The following NMBR variants were observed in gnomAD, a reference collection of about 807,000 sequenced individuals.
The protein encoded by NMBR is neuromedin B receptor.
In NMBR, 16 loss-of-function variants were observed where a neutral mutation model predicts 20.5. That is an observed-to-expected ratio of 0.78 (90% CI 0.53 to 1.19). NMBR has a LOEUF of 1.19. Ranked by LOEUF, NMBR falls within the 50% of genes most tolerant of loss-of-function variation. The pLI is 0.00. For synonymous variants in NMBR, 212 were observed against 196.6 expected, an observed-to-expected ratio of 1.08 and a Z score of -0.65; for missense variants, 582 against 499.1, an observed-to-expected ratio of 1.17 and a Z score of -1.58.
At chr6:142,106,393 TA>T (rs928357552) in intron 1 of NMBR, among the ~76,000 whole-genome samples, 14 of 152,192 alleles carry the variant, frequency 9.2e-5, no homozygotes, top group Admixed American at 8.5e-4. Flanking sequence ...GGCTCTAATC[TA>T]AAAACATAAA....
At chr6:142,126,612 G>T (rs750003243) in intron 1 of NMBR, among the ~76,000 whole-genome samples, 4 of 151,802 alleles carry the variant, frequency 2.6e-5, no homozygotes, top group African/African-American at 7.3e-5. Flanking sequence ...GGTGTGAAGT[G>T]ATATCTTATT....
intron 1 of NMBR, among the ~76,000 whole-genome samples, chr6:142,139,581 T>A (rs569694083): frequency 6.6e-6 from 1 of 152,310 alleles, no homozygotes; most frequent in African/African-American, 2.4e-5. Context: ...TCTTGATCTC[T>A]TCAACTGACA....
At chr6:142,090,038 C>T (rs890616459) in intron 1 of NMBR, among the ~76,000 whole-genome samples, 2 of 152,038 alleles carry the variant, frequency 1.3e-5, no homozygotes, top group Admixed American at 1.3e-4. Context: ...TATATGTATG[C>T]TTATGATTGA....
chr6:142,102,376 C>T (rs1365932302), intron 1 of NMBR, among the ~76,000 whole-genome samples: 3 of 132,340 alleles, frequency 2.3e-5, no homozygotes. Context: ...GGTGACAGAG[C>T]AACACTCTGT....
chr6:142,143,998 T>C (rs1778393568), intron 1 of NMBR, among the ~76,000 whole-genome samples: 1 of 152,200 alleles, frequency 6.6e-6, no homozygotes, highest in African/African-American at 2.4e-5. Flanking sequence ...TATTCGTATA[T>C]AGTTAGCTTA....
At chr6:142,109,927 G>T (rs997385853) in intron 1 of NMBR, among the ~76,000 whole-genome samples, 1 of 152,104 alleles carries the variant, frequency 6.6e-6, no homozygotes, top group South Asian at 2.1e-4. Flanking sequence ...GACACCACGA[G>T]TCTCCTTGAT....
intron 1 of NMBR, among the ~76,000 whole-genome samples, chr6:142,119,681 AT>A (rs1411590464): frequency 6.6e-6 from 1 of 151,996 alleles, no homozygotes; most frequent in Non-Finnish European, 1.5e-5. Context: ...ATGAGGTGTT[AT>A]TATTTTACTG....
At position 142,076,049 on chromosome 6, in the gene NMBR, T is replaced by A; in HGVS notation, c.772A>T (p.Met258Leu). The A allele has an allele frequency of 6.4e-7, 1 of 1,561,634 alleles. No homozygotes were observed. Residue 258 changes from methionine (M) to leucine (L), a missense_variant and splice_region_variant, in exon 4 of 4, where the codon ATG becomes TTG. Met to Leu is a conservative substitution (Grantham distance 15). Coordinates refer to ENST00000258042, the MANE Select transcript of NMBR (RefSeq NM_002511.4). ...TTAGCCAGGCGTTTCCGTGTTTCCATCTGCAAATATAAGAAATTGATCCCA... is the reference window on the plus strand; with the variant it reads ...TTAGCCAGGCGTTTCCGTGTTTCCAACTGCAAATATAAGAAATTGATCCCA... Reference protein sequence around the residue: ...GEYNEHTKKQMETRKRLAKIV... With the variant: ...GEYNEHTKKQLETRKRLAKIV...
chr6:142,138,024 C>T (rs772114632), intron 1 of NMBR, among the ~76,000 whole-genome samples: 1 of 150,556 alleles, frequency 6.6e-6, no homozygotes, highest in Non-Finnish European at 1.5e-5. Context: ...GCAACTATAA[C>T]TTCTATATTT....
chr6:142,097,676 A>G (rs1020855490), intron 1 of NMBR, among the ~76,000 whole-genome samples: 3 of 152,118 alleles, frequency 2.0e-5, no homozygotes, highest in Non-Finnish European at 4.4e-5. Flanking sequence ...GCACTTGGAA[A>G]TTACCAACCA....
chr6:142,089,860 G>A (rs2114568268), intron 1 of NMBR, among the ~76,000 whole-genome samples: 1 of 152,188 alleles, frequency 6.6e-6, no homozygotes, highest in African/African-American at 2.4e-5. Context: ...CATGTGTTCA[G>A]GTGCACATTT....
chr6:142,133,673 A>T (rs1341713050), intron 1 of NMBR, among the ~76,000 whole-genome samples: 1 of 152,162 alleles, frequency 6.6e-6, no homozygotes, highest in Non-Finnish European at 1.5e-5. Context: ...TTCATATTTT[A>T]AGAGTGAGAA....
intron 1 of NMBR, among the ~76,000 whole-genome samples, chr6:142,124,164 C>T (rs1205055755): frequency 6.6e-6 from 1 of 151,738 alleles, no homozygotes; most frequent in Non-Finnish European, 1.5e-5. Context: ...AAAACAAACC[C>T]ACAGATCAAG....
chr6:142,097,668 A>G (rs1777483272), intron 1 of NMBR, among the ~76,000 whole-genome samples: 1 of 152,136 alleles, frequency 6.6e-6, no homozygotes, highest in African/African-American at 2.4e-5. Context: ...GCTGACATGC[A>G]CTTGGAAATT....
intron 1 of NMBR, among the ~76,000 whole-genome samples, chr6:142,131,574 T>A (rs1778142986): frequency 6.6e-6 from 1 of 152,158 alleles, no homozygotes; most frequent in Non-Finnish European, 1.5e-5. Flanking sequence ...TTGAGATCAG[T>A]CTCACTAAGG....
chr6:142,141,308 T>A (rs1778357441), intron 1 of NMBR, among the ~76,000 whole-genome samples: 2 of 152,132 alleles, frequency 1.3e-5, no homozygotes, highest in Admixed American at 6.5e-5. Context: ...CAACATACCT[T>A]TATTAACCCA....
intron 2 of NMBR, among the ~76,000 whole-genome samples, chr6:142,081,891 G>T (rs1168367764): frequency 6.6e-6 from 1 of 152,034 alleles, no homozygotes; most frequent in African/African-American, 2.4e-5. Context: ...AGAGAATGTT[G>T]ATCAAAAGGC....
At chr6:142,076,723 A>T (rs1421748834) in intron 3 of NMBR, among the ~76,000 whole-genome samples, 1 of 152,210 alleles carries the variant, frequency 6.6e-6, no homozygotes, top group East Asian at 1.9e-4. Context: ...ATTGGACATC[A>T]ATACTTTTTA....
intron 1 of NMBR, among the ~76,000 whole-genome samples, chr6:142,094,069 G>C (rs1287212828): frequency 3.3e-5 from 5 of 152,020 alleles, no homozygotes; most frequent in African/African-American, 1.2e-4. Flanking sequence ...CAGGTGAGTA[G>C]ATTGCAAAAA....
Sources: allele counts gnomAD v4.1 joint callset (sites outside exome capture counted in the v4.1 genomes callset), GRCh38; gene constraint gnomAD v4.1.1; transcripts MANE v1.5; gene names NCBI Gene and HGNC (gene_info 2026-07-23, HGNC 2026-07-21).